The following C1orf21 variants were observed in gnomAD, a reference collection of about 807,000 sequenced individuals.
C1orf21 encodes chromosome 1 open reading frame 21, also known as uncharacterized protein C1orf21.
A neutral mutation model predicts 18.7 loss-of-function variants in C1orf21; 3 were observed. That is an observed-to-expected ratio of 0.16 (90% CI 0.07 to 0.42). The LOEUF (loss-of-function observed/expected upper bound fraction) is 0.42. Ranked by LOEUF, C1orf21 falls within the 10% of genes least tolerant of loss-of-function variation. The pLI is 0.99. For missense variants in C1orf21, 104 were observed against 143.6 expected, an observed-to-expected ratio of 0.72 and a Z score of 1.41; for synonymous variants, 41 against 46.4, an observed-to-expected ratio of 0.88 and a Z score of 0.47.
chr1:184,480,119 C>T (rs916486057), intron 2 of C1orf21, among the ~76,000 whole-genome samples: 1 of 152,154 alleles, frequency 6.6e-6, no homozygotes, highest in Non-Finnish European at 1.5e-5. Flanking sequence ...TGATAACAGT[C>T]AGGGGATAGA....
At chr1:184,613,778 CAGTA>C (rs1351441022) in intron 5 of C1orf21, among the ~76,000 whole-genome samples, 1 of 152,066 alleles carries the variant, frequency 6.6e-6, no homozygotes, top group Non-Finnish European at 1.5e-5. Context: ...TTTTCCCCCT[CAGTA>C]AGGGAGGCAA....
At chr1:184,525,379 T>G (rs1658364196) in intron 3 of C1orf21, among the ~76,000 whole-genome samples, 1 of 152,134 alleles carries the variant, frequency 6.6e-6, no homozygotes, top group Non-Finnish European at 1.5e-5. Flanking sequence ...AGTTTTAATT[T>G]TATTCCTTTC....
chr1:184,531,818 T>A (rs1658466832), intron 3 of C1orf21, among the ~76,000 whole-genome samples: 1 of 151,934 alleles, frequency 6.6e-6, no homozygotes, highest in Non-Finnish European at 1.5e-5. Context: ...AACAGTGCAC[T>A]TCCTACAGCT....
chr1:184,487,971 G>A (rs1316900543), intron 2 of C1orf21, among the ~76,000 whole-genome samples: 1 of 152,198 alleles, frequency 6.6e-6, no homozygotes, highest in Admixed American at 6.5e-5. Flanking sequence ...CTGCAGTTGC[G>A]CAGACCTCTG....
intron 2 of C1orf21, among the ~76,000 whole-genome samples, chr1:184,482,377 T>C (rs989763850): frequency 6.6e-6 from 1 of 152,152 alleles, no homozygotes; most frequent in Non-Finnish European, 1.5e-5. Flanking sequence ...TGCCTTCTGT[T>C]GATGAAAGCA....
chr1:184,438,757 C>G (rs1484805910), intron 1 of C1orf21, among the ~76,000 whole-genome samples: 1 of 152,100 alleles, frequency 6.6e-6, no homozygotes. Context: ...AAACCTCAGG[C>G]CCTTGAGAAG....
chr1:184,459,690 T>A (rs2101983131), intron 1 of C1orf21, among the ~76,000 whole-genome samples: 1 of 152,280 alleles, frequency 6.6e-6, no homozygotes, highest in Middle Eastern at 3.4e-3. Flanking sequence ...GAGCCCCTGC[T>A]TTTGTCACTC....
At chr1:184,450,356 C>T (rs1311166977) in intron 1 of C1orf21, among the ~76,000 whole-genome samples, 4 of 152,180 alleles carry the variant, frequency 2.6e-5, no homozygotes, top group Non-Finnish European at 4.4e-5. Context: ...CAATCAGAGG[C>T]ACCCTTGATG....
rs1557965062 is a variant in C1orf21 at position 184,410,645 on chromosome 1, ATATATATATATATATATATTTT to A, written c.-125+23279_-125+23300del. On this transcript the variant is annotated intron_variant, in intron 1 of 5. Coordinates refer to ENST00000235307, the MANE Select transcript of C1orf21 (RefSeq NM_030806.4). ...TATATATATATATATATATATATATATATATATATATATATATATTTTTTTTTTTTTTTTTTGAGATGGAGTT... is the reference window on the plus strand; with the variant it reads ...TATATATATATATATATATATATATATTTTTTTTTTTTTTGAGATGGAGTT... 4.0e-4 allele frequency among the ~76,000 whole-genome samples: 2 copies of A among 4,982 alleles called. 1 individual carries two copies. Among genetic ancestry groups the A allele is most frequent in the African/African-American group, 5.7e-3 (2 of 352 alleles). 3.3% of individuals were successfully genotyped at this position (4,982 alleles called of 152,430 possible).
At chr1:184,500,519 G>T (rs1200743519) in intron 2 of C1orf21, among the ~76,000 whole-genome samples, 1 of 152,152 alleles carries the variant, frequency 6.6e-6, no homozygotes, top group East Asian at 1.9e-4. Context: ...TCAAAAACAT[G>T]GGCAAGACCC....
At chr1:184,479,022 G>C (rs1657613825) in intron 2 of C1orf21, among the ~76,000 whole-genome samples, 1 of 152,196 alleles carries the variant, frequency 6.6e-6, no homozygotes, top group African/African-American at 2.4e-5. Flanking sequence ...GGAATGGTAC[G>C]AAAGAGCTAA....
rs187070815 is a variant in C1orf21 at position 184,532,499 on chromosome 1, C to A, written c.189+24817C>A. On this transcript the variant is annotated intron_variant, in intron 3 of 5. Transcript: ENST00000235307. ...ATGGCTCATGTCTGTAATACCAGCA[C>A]TTTGGGAGACTGAGGCTGGAGGATC... Among the ~76,000 whole-genome samples, 6 of 152,174 alleles carry A rather than the reference C, an allele frequency of 3.9e-5. No homozygotes were observed. In the East Asian group the frequency reaches 1.2e-3, roughly 29 times the overall value.
intron 3 of C1orf21, among the ~76,000 whole-genome samples, chr1:184,544,135 C>T (rs1042895771): frequency 9.8e-5 from 15 of 152,298 alleles, no homozygotes; most frequent in Admixed American, 3.3e-4. Flanking sequence ...AAGGGCACGC[C>T]TCTTATTAAA....
intron 5 of C1orf21, among the ~76,000 whole-genome samples, chr1:184,615,238 G>C (rs924979330): frequency 3.9e-5 from 6 of 152,174 alleles, no homozygotes; most frequent in African/African-American, 1.4e-4. Flanking sequence ...GATAACTGAA[G>C]AAGACGTGGA....
intron 3 of C1orf21, among the ~76,000 whole-genome samples, chr1:184,576,131 C>CTT (rs200624324): frequency 2.1e-5 from 3 of 144,622 alleles, no homozygotes; most frequent in East Asian, 2.0e-4. Flanking sequence ...CTTTTTTTTT[C>CTT]TTTTTTTTTT....
chr1:184,455,465 C>T (rs1657184051), intron 1 of C1orf21, among the ~76,000 whole-genome samples: 1 of 152,174 alleles, frequency 6.6e-6, no homozygotes, highest in Non-Finnish European at 1.5e-5. Flanking sequence ...CCCTAGGTTA[C>T]ACTTTGAGAA....
At chr1:184,614,495 A>G (rs547009290) in intron 5 of C1orf21, among the ~76,000 whole-genome samples, 6 of 151,240 alleles carry the variant, frequency 4.0e-5, no homozygotes, top group Non-Finnish European at 4.4e-5. Flanking sequence ...ACTGAATGGC[A>G]AGGCCTAGAC....
chr1:184,522,744 G>C (rs186811713), intron 3 of C1orf21, among the ~76,000 whole-genome samples: 2 of 152,198 alleles, frequency 1.3e-5, no homozygotes, highest in Non-Finnish European at 2.9e-5. Context: ...CTGGAGTGCA[G>C]TGGCGCAATT....
At chr1:184,613,819 A>G (rs1659776428) in intron 5 of C1orf21, among the ~76,000 whole-genome samples, 1 of 152,082 alleles carries the variant, frequency 6.6e-6, no homozygotes, top group Non-Finnish European at 1.5e-5. Context: ...TCTATACAAC[A>G]TGATGGTGCG....
Sources: gnomAD v4.1 joint callset for allele counts (sites outside exome capture counted in the v4.1 genomes callset) on GRCh38, gnomAD v4.1.1 for gene constraint, MANE v1.5 for transcripts, NCBI Gene and HGNC (gene_info 2026-07-23, HGNC 2026-07-21) for gene names.